Variants in ABCC8 observed in about 807,000 individuals in gnomAD.
ABCC8 encodes the protein ATP binding cassette subfamily C member 8.
A neutral mutation model predicts 188.0 loss-of-function variants in ABCC8; 137 were observed. The observed-to-expected ratio is 0.73, with a 90% CI of 0.63 to 0.84. The LOEUF is 0.84. Ranked by LOEUF, ABCC8 falls within the 40% of genes least tolerant of loss-of-function variation. ABCC8 has a pLI of 0.00. For synonymous variants in ABCC8, 797 were observed against 846.5 expected (o/e 0.94, Z 1.01); for missense variants, 1,750 against 2,072.7 (o/e 0.84, Z 3.02).
intron 36 of ABCC8, 98 bp from the exon 37 acceptor site, chr11:17,394,497 A>G: frequency 6.3e-7 from 1 of 1,583,102 alleles, no homozygotes; most frequent in Non-Finnish European, 8.6e-7. Flanking sequence ...AAATGTGTGC[A>G]TGGGGGCAAA....
chr11:17,465,858 C>T (rs184160330), intron 3 of ABCC8, among the ~76,000 whole-genome samples: 1 of 152,288 alleles, frequency 6.6e-6, no homozygotes, highest in Admixed American at 6.5e-5. Flanking sequence ...TCTTGTTCTC[C>T]TCCAAGCTGG....
chr11:17,445,701 T>C (rs987371448), intron 8 of ABCC8, among the ~76,000 whole-genome samples: 1 of 152,016 alleles, frequency 6.6e-6, no homozygotes, highest in Non-Finnish European at 1.5e-5. Flanking sequence ...GTCAAATCTA[T>C]AAGTGGTAAA....
At chr11:17,443,040 T>C (rs1164519626) in intron 9 of ABCC8, 138 bp downstream of exon 9, 1 of 1,506,110 alleles carries the variant, frequency 6.6e-7, no homozygotes, top group African/African-American at 1.4e-5. Context: ...ACAAAGAAGC[T>C]GAGGCCTGGA....
intron 10 of ABCC8, chr11:17,435,967 C>T (rs529498037): frequency 8.1e-5 from 128 of 1,579,340 alleles, no homozygotes; most frequent in South Asian, 7.0e-4. Flanking sequence ...ACCAGTGCCA[C>T]GGTGGCAGAT....
intron 16 of ABCC8, among the ~76,000 whole-genome samples, chr11:17,419,271 C>A (rs1955224597): frequency 6.6e-6 from 1 of 152,218 alleles, no homozygotes; most frequent in African/African-American, 2.4e-5. Flanking sequence ...AGGGAGGAAG[C>A]ACACAGCTGA....
chr11:17,441,195 A>G (rs1956304236), intron 10 of ABCC8, among the ~76,000 whole-genome samples: 1 of 152,156 alleles, frequency 6.6e-6, no homozygotes, highest in Non-Finnish European at 1.5e-5. Flanking sequence ...AAATGGCCTC[A>G]TAATGGTGCC....
rs369489582 is a variant in ABCC8 at position 17,460,681 on chromosome 11, C to T, written c.823-5G>A. 1.2e-5 allele frequency: 20 copies of T among 1,606,432 alleles called. No individual in the cohort carries two copies. Among genetic ancestry groups the T allele is most frequent in the African/African-American group, 1.3e-5 (1 of 74,880 alleles). On this transcript the variant is annotated splice_region_variant and splice_polypyrimidine_tract_variant and intron_variant, in intron 5 of 38. Coordinates refer to ENST00000389817, the MANE Select transcript of ABCC8 (RefSeq NM_000352.6). ...AGTGCCCTGAATGTCCTTCCGCTGCCCAGAGAGACCATGGCCAGGTCAGAG... is the reference window on the plus strand; with the variant it reads ...AGTGCCCTGAATGTCCTTCCGCTGCTCAGAGAGACCATGGCCAGGTCAGAG...
intron 7 of ABCC8, among the ~76,000 whole-genome samples, chr11:17,450,946 C>A (rs1352388993): frequency 3.9e-5 from 6 of 152,072 alleles, no homozygotes; most frequent in Admixed American, 2.6e-4. Flanking sequence ...CTCAGCCTCC[C>A]AAAGCGCTGG....
intron 21 of ABCC8, among the ~76,000 whole-genome samples, chr11:17,411,541 A>C (rs7926934): frequency 0.14 from 21,473 of 152,002 alleles, 2,041 homozygotes; most frequent in African/African-American, 0.26. Flanking sequence ...AGGGGAGGGA[A>C]TAAAGCTGGA....
chr11:17,462,818 T>C (rs560142729), intron 4 of ABCC8, among the ~76,000 whole-genome samples: 90 of 152,278 alleles, frequency 5.9e-4, no homozygotes, highest in South Asian at 1.5e-3. Context: ...ATGATCCCAT[T>C]CTTACAAGAT....
chr11:17,459,297 T>C (rs568410756), intron 6 of ABCC8, among the ~76,000 whole-genome samples: 6 of 152,346 alleles, frequency 3.9e-5, no homozygotes, highest in African/African-American at 1.2e-4. Context: ...ATGTATTATG[T>C]GGTCAGTAAG....
chr11:17,392,592 G>A, downstream of ABCC8: 1 of 353,922 alleles, frequency 2.8e-6, no homozygotes, highest in Non-Finnish European at 5.5e-6. Context: ...TGAGCACACA[G>A]CCAGAAGGCA....
Position 17,474,983 on chromosome 11 carries a change from A to G in ABCC8, c.193T>C (p.Trp65Arg). 6.2e-7 allele frequency: 1 copy of G among 1,614,184 alleles called. No individual in the cohort carries two copies. The highest frequency in any genetic ancestry group is 8.5e-7 in the Non-Finnish European group (1 of 1,180,032). Residue 65 changes from tryptophan (W) to arginine (R), a missense_variant, in exon 2 of 39, where the codon TGG becomes CGG. Transcript: ENST00000389817. ...SSKVHIHHST[W>R]LHFPGHNLRW... The stretch of plus-strand genomic sequence containing the variant: ...AGGTTGTGCCCAGGGAAATGAAGCC[A>G]TGTGCTGTGGTGGATGTGCACCTTG...
At chr11:17,416,292 A>G (rs1955070424) in intron 17 of ABCC8, among the ~76,000 whole-genome samples, 1 of 152,164 alleles carries the variant, frequency 6.6e-6, no homozygotes. Flanking sequence ...GAGCCTCATT[A>G]ATCTATATCA....
intron 20 of ABCC8, chr11:17,413,053 G>C (rs1250975770): frequency 4.8e-6 from 3 of 628,836 alleles, no homozygotes; most frequent in East Asian, 2.9e-5. Context: ...GGAGAATCCT[G>C]TTCGTCTAAG....
chr11:17,395,612 G>T lies in ABCC8; in HGVS notation c.4305C>A (p.Ile1435=). Residue 1435 remains isoleucine, a splice_region_variant and synonymous_variant, in exon 35 of 39, where the codon ATC becomes ATA. Transcript: ENST00000389817. ...LQDPVLFSGT[I]RFNLDPERKC... ...GCCTGAGGGGTGGTGGGGCTCACCG[G>T]ATGGTGCCGCTGAAGAGGACGGGGT... 6.4e-7 allele frequency: 1 copy of T among 1,551,058 alleles called. No homozygotes were observed. Among genetic ancestry groups the T allele is most frequent in the Admixed American group, 2.0e-5 (1 of 51,224 alleles).
intron 2 of ABCC8, 88 bp downstream of exon 2, chr11:17,474,798 G>T: frequency 7.1e-7 from 1 of 1,398,852 alleles, no homozygotes; most frequent in Non-Finnish European, 1.0e-6. Context: ...TGGGCTTGTG[G>T]AATATAGGTG....
At chr11:17,423,162 C>A (rs1016560865) in intron 16 of ABCC8, among the ~76,000 whole-genome samples, 2 of 151,514 alleles carry the variant, frequency 1.3e-5, no homozygotes, top group Admixed American at 1.3e-4. Context: ...TTCGAGATTA[C>A]CCTGGCCAAC....
At position 17,453,270 on chromosome 11, in the gene ABCC8, C is replaced by G. The variant is rs1956878457; in HGVS notation, c.1025G>C (p.Gly342Ala). The part of the protein sequence containing the change: ...DVFQPKTQFL[G>A]VYFVSSQEFL... The stretch of plus-strand genomic sequence containing the variant: ...CTCTTGGGATGAGACAAAGTAAACC[C>G]CGAGAAATTGTGTCTGTTGGAAAGA... Residue 342 changes from glycine to alanine, a missense_variant, in exon 7 of 39, where the codon GGG (glycine) becomes GCG (alanine). Physicochemically the swap from Gly to Ala is moderately conservative, Grantham distance 60 (BLOSUM62 0). Coordinates refer to ENST00000389817, the MANE Select transcript of ABCC8 (RefSeq NM_000352.6). 1.9e-6 allele frequency: 3 copies of G among 1,613,974 alleles called. No homozygotes were observed. The highest frequency in any genetic ancestry group is 2.5e-6 in the Non-Finnish European group (3 of 1,179,996).
Sources: allele counts gnomAD v4.1 joint callset (sites outside exome capture counted in the v4.1 genomes callset), GRCh38; gene constraint gnomAD v4.1.1; transcripts MANE v1.5; gene names NCBI Gene and HGNC (gene_info 2026-07-23, HGNC 2026-07-21).